The following ATP7A variants were observed in gnomAD, a reference collection of about 807,000 sequenced individuals.
The protein encoded by ATP7A is copper-transporting ATPase 1.
ATP7A carries 7 observed loss-of-function variants against 83.5 expected under a neutral mutation model. That is an observed-to-expected ratio of 0.08 (90% CI 0.05 to 0.16). ATP7A has a LOEUF of 0.16. Ranked by LOEUF, ATP7A falls within the 10% of genes least tolerant of loss-of-function variation. The pLI, the probability that ATP7A is intolerant of heterozygous loss-of-function variation, is 1.00. For missense variants in ATP7A, 940 were observed against 1,120.8 expected, an observed-to-expected ratio of 0.84 and a Z score of 2.30; for synonymous variants, 354 against 395.2, an observed-to-expected ratio of 0.90 and a Z score of 1.24.
rs782252190 is a variant in ATP7A at position 78,045,438 on chromosome X, T to G, written c.4124-32T>G. 6 of 1,047,465 alleles carry G rather than the reference T, an allele frequency of 5.7e-6. No homozygotes were observed. The Admixed American group carries it at 1.3e-4, about 23-fold the overall frequency. The allele number at this position is 1,047,465 out of a possible 1,213,427, so 86.3% of individuals were successfully genotyped here. On this transcript the variant is annotated intron_variant, in intron 21 of 22. Transcript: ENST00000341514. ...CACATTAATAATCTGTTTAGTATTA[T>G]CTACTCTAACTAATCCATACTTGTT...
chrX:77,989,044 A>T (rs868976961), intron 3 of ATP7A, among the ~76,000 whole-genome samples, 189 bp from the exon 4 acceptor site: 1 of 111,341 alleles, frequency 9.0e-6, no homozygotes, highest in African/African-American at 3.3e-5. Flanking sequence ...CCATAGCTAC[A>T]GTGGTCATAT....
At chrX:77,914,118 C>T (rs1175893401) in intron 1 of ATP7A, among the ~76,000 whole-genome samples, 2 of 112,053 alleles carry the variant, frequency 1.8e-5, no homozygotes, top group African/African-American at 6.5e-5. Flanking sequence ...GCTAGGGTGC[C>T]ATGGCACAAT....
intron 2 of ATP7A, among the ~76,000 whole-genome samples, chrX:77,980,816 C>A (rs1603380170): frequency 9.0e-6 from 1 of 111,337 alleles, no homozygotes; most frequent in Non-Finnish European, 1.9e-5. Flanking sequence ...TTACAGGTGC[C>A]TGTCACCATG....
At chrX:77,945,360 TG>T (rs1557226068) in intron 1 of ATP7A, among the ~76,000 whole-genome samples, 1 of 110,031 alleles carries the variant, frequency 9.1e-6, no homozygotes, top group African/African-American at 3.3e-5. Flanking sequence ...TTGTATTTTT[TG>T]TAGAGGCGGT....
chrX:77,995,893 G>A (rs369157929), intron 4 of ATP7A, among the ~76,000 whole-genome samples: 103 of 110,762 alleles, frequency 9.3e-4, no homozygotes, highest in South Asian at 7.7e-4. Context: ...ACAGGCTCAC[G>A]CCACCATGCC....
chrX:77,970,927 G>A (rs1557229612), intron 1 of ATP7A, among the ~76,000 whole-genome samples: 1 of 111,577 alleles, frequency 9.0e-6, no homozygotes, highest in Admixed American at 9.6e-5. Context: ...AGAGGTAAGG[G>A]GAATCAGAGT....
At chrX:77,931,220 C>G (rs193019991) in intron 1 of ATP7A, among the ~76,000 whole-genome samples, 64 of 107,947 alleles carry the variant, frequency 5.9e-4, no homozygotes, top group Non-Finnish European at 1.0e-3. Context: ...TGATTGTTAA[C>G]GAGCATGCTG....
chrX:78,009,386 A>T, intron 7 of ATP7A, 123 bp downstream of exon 7: 1 of 817,936 alleles, frequency 1.2e-6, no homozygotes, highest in East Asian at 3.1e-5. Flanking sequence ...AACACTTCAA[A>T]CAAGATCTGT....
chrX:77,982,685 A>G (rs1248236152), intron 2 of ATP7A, among the ~76,000 whole-genome samples: 1 of 112,379 alleles, frequency 8.9e-6, no homozygotes, highest in East Asian at 2.8e-4. Flanking sequence ...GAAATTGTAG[A>G]TTATTTAGCA....
chrX:78,005,601 T>A (rs1224911281), intron 6 of ATP7A, among the ~76,000 whole-genome samples: 4 of 98,121 alleles, frequency 4.1e-5, no homozygotes, highest in Non-Finnish European at 7.9e-5. Context: ...GAGAATCACT[T>A]GAACCCGGGA....
intron 11 of ATP7A, among the ~76,000 whole-genome samples, chrX:78,015,033 C>T (rs2077852188): frequency 8.9e-6 from 1 of 111,982 alleles, no homozygotes; most frequent in African/African-American, 3.2e-5. Flanking sequence ...CGTACTGTAC[C>T]TAACAAAATG....
intron 1 of ATP7A, among the ~76,000 whole-genome samples, chrX:77,945,389 C>T (rs1303273510): frequency 9.1e-6 from 1 of 109,970 alleles, no homozygotes; most frequent in Non-Finnish European, 1.9e-5. Flanking sequence ...CATGTTGCCC[C>T]GGCTGGTCTC....
At chrX:77,972,674 T>A (rs1426926149) in intron 2 of ATP7A, among the ~76,000 whole-genome samples, 2 of 110,896 alleles carry the variant, frequency 1.8e-5, no homozygotes, top group Non-Finnish European at 3.8e-5. Flanking sequence ...TTTTTTAATT[T>A]ATTTTTTGTA....
At chrX:77,970,879 T>A (rs1220925142) in intron 1 of ATP7A, among the ~76,000 whole-genome samples, 1 of 111,583 alleles carries the variant, frequency 9.0e-6, no homozygotes, top group Non-Finnish European at 1.9e-5. Flanking sequence ...TGGAGTATGT[T>A]AGAAGGTGGT....
chrX:78,041,261 T>A (rs1236714978), intron 19 of ATP7A, among the ~76,000 whole-genome samples: 1 of 111,662 alleles, frequency 9.0e-6, no homozygotes, highest in Non-Finnish European at 1.9e-5. Context: ...AGTAATCTTT[T>A]AATACATTCT....
chrX:77,978,908 T>G (rs1390986323), intron 2 of ATP7A, among the ~76,000 whole-genome samples: 15 of 111,382 alleles, frequency 1.3e-4, no homozygotes, highest in African/African-American at 3.9e-4. Context: ...CTCGGCTCAC[T>G]GCAACCTTCG....
intron 1 of ATP7A, chrX:77,964,178 T>C (rs1458964435): frequency 8.9e-6 from 1 of 112,085 alleles, no homozygotes; most frequent in Admixed American, 9.5e-5. Context: ...TTAGTGACAA[T>C]GTCCTATTTT....
intron 22 of ATP7A, 117 bp from the exon 23 acceptor site, chrX:78,046,177 A>T (rs190322143): frequency 4.5e-5 from 39 of 864,065 alleles, no homozygotes; most frequent in Middle Eastern, 7.6e-4. Context: ...GATCACCTTT[A>T]TACATTTCAT....
intron 1 of ATP7A, among the ~76,000 whole-genome samples, chrX:77,951,506 T>C (rs2077413285): frequency 8.9e-6 from 1 of 111,740 alleles, no homozygotes; most frequent in Non-Finnish European, 1.9e-5. Flanking sequence ...TGAATTCTTA[T>C]ATACACACAT....
Sources: gnomAD v4.1 joint callset for allele counts (sites outside exome capture counted in the v4.1 genomes callset) on GRCh38, gnomAD v4.1.1 for gene constraint, MANE v1.5 for transcripts, NCBI Gene and HGNC (gene_info 2026-07-23, HGNC 2026-07-21) for gene names.